Variants in LRRC37B observed in about 807,000 individuals in gnomAD.
The protein encoded by LRRC37B is leucine rich repeat containing 37B.
In LRRC37B, 28 loss-of-function variants were observed where a neutral mutation model predicts 98.3. The ratio of observed to expected loss-of-function variants is 0.28; its 90% CI spans 0.21 to 0.39. LRRC37B has a LOEUF of 0.39. Among genes scored for constraint, LRRC37B ranks in the 10% least tolerant of loss-of-function variants. The probability of loss-of-function intolerance (pLI) is 1.00; values close to 1 mark genes in which losing one functional copy is unlikely to be tolerated. For synonymous variants in LRRC37B, 364 were observed against 442.7 expected (o/e 0.82, Z 2.23); for missense variants, 938 against 1,182.7 (o/e 0.79, Z 3.03).
rs751063840 is a variant in LRRC37B at position 32,021,585 on chromosome 17, G to A, written c.520G>A (p.Val174Ile). 35 of 1,614,106 alleles carry A rather than the reference G, an allele frequency of 2.2e-5. No homozygotes were observed. Among genetic ancestry groups the A allele is most frequent in the Non-Finnish European group, 2.8e-5 (33 of 1,180,056 alleles). The change falls in exon 1 of 12, where the codon GTT (valine) becomes ATT (isoleucine). Residue 174 changes from valine to isoleucine, a missense_variant. Physicochemically the swap from Val to Ile is conservative, Grantham distance 29. Around this residue, in one of 2 missense-constraint regions of LRRC37B, gnomAD observed 610 missense variants for 625.6 expected, o/e 0.98. Transcript: ENST00000327564. ...CAACCGGGATCAGAACCAGGCCCTAGTTCAGCTTCCTCGCCTCAAGTGGGT... is the reference window on the plus strand; with the variant it reads ...CAACCGGGATCAGAACCAGGCCCTAATTCAGCTTCCTCGCCTCAAGTGGGT...
At chr17:32,035,704 C>A in intron 7 of LRRC37B, 65 bp downstream of exon 10, 1 of 1,461,492 alleles carries the variant, frequency 6.8e-7, no homozygotes, top group Non-Finnish European at 9.4e-7. Context: ...TTATTATTTT[C>A]TTAAGTCAGG....
chr17:32,049,545 T>A, intron 10 of LRRC37B, 151 bp downstream of exon 13: 1 of 747,478 alleles, frequency 1.3e-6, no homozygotes, highest in Admixed American at 2.9e-5. Flanking sequence ...ACTTTGCTCA[T>A]GTAGACAGTG....
At chr17:32,009,144 T>C (rs1483935373) in intron 1 of LRRC37B, among the ~76,000 whole-genome samples, 1 of 152,182 alleles carries the variant, frequency 6.6e-6, no homozygotes, top group African/African-American at 2.4e-5. Flanking sequence ...AGTAAGTATA[T>C]GGTGGTAGCT....
At chr17:32,041,296 C>T in intron 7 of LRRC37B, 2 of 758,022 alleles carry the variant, frequency 2.6e-6, no homozygotes, top group Non-Finnish European at 4.9e-6. Context: ...TTCCGATCTT[C>T]CGACAAGTCC....
At chr17:32,034,874 AAATGCAGGT>A in intron 5 of LRRC37B, 27 bp from the exon 9 acceptor site, 1 of 1,513,252 alleles carries the variant, frequency 6.6e-7, no homozygotes. Flanking sequence ...CACACATTGA[AAATGCAGGT>A]AATTTTAATT....
chr17:32,046,096 A>G (rs1001161316), intron 8 of LRRC37B, among the ~76,000 whole-genome samples: 5 of 152,258 alleles, frequency 3.3e-5, no homozygotes, highest in Non-Finnish European at 5.9e-5. Context: ...CACACTGTGT[A>G]CTGTGCTCTC....
At chr17:32,025,590 G>T (rs1391931654) in intron 2 of LRRC37B, among the ~76,000 whole-genome samples, 2 of 152,218 alleles carry the variant, frequency 1.3e-5, no homozygotes, top group South Asian at 2.1e-4. Context: ...TCACTTATAT[G>T]ATATTCTTTC....
chr17:32,017,883 G>C (rs545957275), upstream of LRRC37B: 2 of 156,794 alleles, frequency 1.3e-5, no homozygotes, highest in African/African-American at 4.8e-5. Flanking sequence ...GAAACCAAAA[G>C]AATGTCTCAT....
chr17:32,033,928 C>T (rs568107237), intron 5 of LRRC37B: 1 of 152,154 alleles, frequency 6.6e-6, no homozygotes, highest in Non-Finnish European at 1.5e-5. Context: ...AGACATCATA[C>T]CAGGCACAGT....
At chr17:32,040,660 G>A (rs1334074796) in intron 7 of LRRC37B, 1 of 779,208 alleles carries the variant, frequency 1.3e-6, no homozygotes, top group African/African-American at 1.7e-5. Context: ...AAGATCCAGG[G>A]CCAGGTGAAG....
In LRRC37B at chr17:32,043,832, A is replaced by T. The variant is rs542999068; in HGVS notation, c.2205-1868A>T. On this transcript the variant is annotated intron_variant, in intron 7 of 11. Coordinates refer to ENST00000327564, the Ensembl canonical transcript of LRRC37B. ...ATACTCTTCTGTTTCCACAGTCTTA[A>T]TGTGGCCCTAACAAAGTCATCCTTT... Among the ~76,000 whole-genome samples the T allele has an allele frequency of 1.3e-3, 195 of 151,038 alleles. 1 individual carries two copies. Among genetic ancestry groups the T allele is most frequent in the African/African-American group, 4.3e-3 (176 of 40,998 alleles).
At chr17:32,041,665 TC>T in intron 7 of LRRC37B, 1 of 458,766 alleles carries the variant, frequency 2.2e-6, no homozygotes, top group South Asian at 1.5e-5. Flanking sequence ...CTTGAGGTAC[TC>T]CCTCAGCAGG....
intron 4 of LRRC37B, 118 bp from the exon 8 acceptor site, chr17:32,031,260 C>G: frequency 6.8e-7 from 1 of 1,475,778 alleles, no homozygotes; most frequent in Non-Finnish European, 9.1e-7. Flanking sequence ...GTGAGATTGC[C>G]TTAGTGCACA....
intron 1 of LRRC37B, 37 bp from the exon 5 acceptor site, chr17:32,024,674 G>C (rs775276610): frequency 6.8e-6 from 11 of 1,606,282 alleles, no homozygotes; most frequent in East Asian, 2.2e-5. Flanking sequence ...CATTCTTTGC[G>C]TGCCTATTCA....
At chr17:32,026,919 G>T (rs1408358300) in intron 2 of LRRC37B, among the ~76,000 whole-genome samples, 3 of 152,186 alleles carry the variant, frequency 2.0e-5, no homozygotes, top group Non-Finnish European at 4.4e-5. Context: ...GGCCAGGTGA[G>T]GTGGCTCATG....
chr17:32,044,507 C>T (rs1477448179), intron 7 of LRRC37B, among the ~76,000 whole-genome samples: 2 of 152,186 alleles, frequency 1.3e-5, no homozygotes. Context: ...GGTGACGTAT[C>T]TTTCCTGCCT....
At chr17:32,022,715 C>T (rs1469614653) in exon 1 of LRRC37B, 1 of 1,613,940 alleles carries the variant, frequency 6.2e-7, no homozygotes, top group African/African-American at 1.3e-5. Context: ...TATGTGAGCT[C>T]TGCACCTGCG....
At chr17:32,049,249 T>G in exon 10 of LRRC37B, 2 of 1,587,480 alleles carry the variant, frequency 1.3e-6, no homozygotes, top group Non-Finnish European at 1.7e-6. Flanking sequence ...AAGCTCATGT[T>G]GCGAACAGGC....
intron 2 of LRRC37B, among the ~76,000 whole-genome samples, chr17:32,025,284 CCT>C (rs1183921156): frequency 1.3e-5 from 2 of 150,924 alleles, no homozygotes; most frequent in African/African-American, 2.4e-5. Context: ...GATCCTCCCA[CCT>C]TGGCCTCCTA....
Sources: gnomAD v4.1 joint callset for allele counts (sites outside exome capture counted in the v4.1 genomes callset) on GRCh38, gnomAD v4.1.1 for gene constraint, gnomAD v4.1.1 regional missense constraint, MANE v1.5 for transcripts, NCBI Gene and HGNC (gene_info 2026-07-23, HGNC 2026-07-21) for gene names.